Variants in CNTN4 observed in about 807,000 individuals in gnomAD.
CNTN4 encodes the protein contactin 4.
CNTN4 carries 77 observed loss-of-function variants against 122.5 expected under a neutral mutation model. The observed-to-expected ratio is 0.63, with a 90% CI of 0.52 to 0.76. The LOEUF (loss-of-function observed/expected upper bound fraction) is 0.76, where lower values mean the gene tolerates loss of function less well. Ranked by LOEUF, CNTN4 falls within the 30% of genes least tolerant of loss-of-function variation. CNTN4 has a pLI of 0.00. For missense variants in CNTN4, 1,256 were observed against 1,259.1 expected (o/e 1.00, Z 0.04); for synonymous variants, 512 against 447.0 (o/e 1.15, Z -1.83).
intron 4 of CNTN4, among the ~76,000 whole-genome samples, chr3:2,663,610 C>T (rs2084010332): frequency 6.6e-6 from 1 of 152,212 alleles, no homozygotes. Context: ...AAAATCGAGG[C>T]ATGCAGAGAG....
chr3:3,018,858 G>GA (rs1199203904), intron 14 of CNTN4, among the ~76,000 whole-genome samples: 3 of 151,838 alleles, frequency 2.0e-5, no homozygotes, highest in East Asian at 1.9e-4. Flanking sequence ...ACTATTGCAG[G>GA]AAAAAAAGTA....
intron 4 of CNTN4, among the ~76,000 whole-genome samples, chr3:2,668,495 G>A (rs1300826464): frequency 6.6e-6 from 1 of 152,224 alleles, no homozygotes; most frequent in East Asian, 1.9e-4. Flanking sequence ...ATTTTGGGCT[G>A]AGACAATGGG....
At chr3:2,268,382 A>G (rs1325245883) in intron 2 of CNTN4, among the ~76,000 whole-genome samples, 1 of 152,034 alleles carries the variant, frequency 6.6e-6, no homozygotes, top group Non-Finnish European at 1.5e-5. Flanking sequence ...ACTTCTCAGG[A>G]ATTATAACGA....
chr3:2,408,901 A>G (rs2047130151), intron 3 of CNTN4, among the ~76,000 whole-genome samples: 1 of 152,198 alleles, frequency 6.6e-6, no homozygotes, highest in Non-Finnish European at 1.5e-5. Flanking sequence ...AAGGTCTCAT[A>G]ACTTTTAAGA....
chr3:2,387,449 G>A (rs969217654), intron 3 of CNTN4, among the ~76,000 whole-genome samples: 7 of 151,986 alleles, frequency 4.6e-5, no homozygotes, highest in African/African-American at 1.7e-4. Flanking sequence ...GTATGATTTT[G>A]TATTATTTTG....
intron 2 of CNTN4, among the ~76,000 whole-genome samples, chr3:2,219,744 C>G (rs1185515559): frequency 1.3e-5 from 2 of 151,372 alleles, no homozygotes; most frequent in Admixed American, 6.6e-5. Context: ...ATTCACATTT[C>G]AGCCTGATTT....
At chr3:2,379,224 C>CT (rs1163264665) in intron 3 of CNTN4, among the ~76,000 whole-genome samples, 1 of 151,846 alleles carries the variant, frequency 6.6e-6, no homozygotes, top group Admixed American at 6.6e-5. Context: ...TTTTCCTTTC[C>CT]TTTTTTTGAA....
intron 14 of CNTN4, among the ~76,000 whole-genome samples, chr3:3,008,247 G>A (rs78954214): frequency 0.018 from 2,791 of 152,090 alleles, 92 homozygotes; most frequent in African/African-American, 0.064. Flanking sequence ...CTAATGCCTC[G>A]TATCCAGACC....
chr3:2,343,062 A>C (rs2044266594), intron 3 of CNTN4, among the ~76,000 whole-genome samples: 1 of 152,238 alleles, frequency 6.6e-6, no homozygotes, highest in South Asian at 2.1e-4. Flanking sequence ...TGAGTGGTGA[A>C]TTTTATGGTA....
intron 3 of CNTN4, among the ~76,000 whole-genome samples, chr3:2,410,782 A>G (rs1277339549): frequency 6.6e-6 from 1 of 152,214 alleles, no homozygotes. Context: ...CATGTGAATA[A>G]GCTTGGGGAT....
At chr3:2,786,045 G>A (rs1228165376) in intron 6 of CNTN4, among the ~76,000 whole-genome samples, 1 of 152,008 alleles carries the variant, frequency 6.6e-6, no homozygotes, top group Non-Finnish European at 1.5e-5. Context: ...GAGGATTTGG[G>A]CTGGGGATGG....
At chr3:2,463,166 A>G (rs1414232738) in intron 3 of CNTN4, among the ~76,000 whole-genome samples, 3 of 152,312 alleles carry the variant, frequency 2.0e-5, no homozygotes, top group African/African-American at 4.8e-5. Flanking sequence ...AGACCAAGAT[A>G]TAAATGAAAT....
At chr3:2,667,873 A>G (rs1010778062) in intron 4 of CNTN4, among the ~76,000 whole-genome samples, 1 of 152,020 alleles carries the variant, frequency 6.6e-6, no homozygotes, top group African/African-American at 2.4e-5. Context: ...TCTTGTTTTT[A>G]TCAGGTTTGT....
chr3:2,430,854 G>A (rs893393001), intron 3 of CNTN4, among the ~76,000 whole-genome samples: 2 of 152,122 alleles, frequency 1.3e-5, no homozygotes, highest in Non-Finnish European at 2.9e-5. Flanking sequence ...GAAGACAGAT[G>A]TGCTCAAATT....
chr3:2,182,153 A>G (rs2037043629), intron 2 of CNTN4, among the ~76,000 whole-genome samples: 1 of 152,104 alleles, frequency 6.6e-6, no homozygotes, highest in African/African-American at 2.4e-5. Context: ...AATTCTCAGC[A>G]AGTGGTTCCT....
chr3:2,531,140 A>G (rs768398457), intron 3 of CNTN4, among the ~76,000 whole-genome samples: 1 of 152,190 alleles, frequency 6.6e-6, no homozygotes, highest in Non-Finnish European at 1.5e-5. Flanking sequence ...GCACACTATC[A>G]TTTGTGAGTA....
intron 3 of CNTN4, among the ~76,000 whole-genome samples, chr3:2,359,818 C>T (rs1273603113): frequency 1.3e-5 from 2 of 152,180 alleles, no homozygotes; most frequent in Admixed American, 6.5e-5. Flanking sequence ...GGATTAGGGT[C>T]GAGAGCCACG....
intron 13 of CNTN4, among the ~76,000 whole-genome samples, chr3:2,966,517 C>T (rs62234360): frequency 6.6e-6 from 1 of 151,814 alleles, no homozygotes; most frequent in Non-Finnish European, 1.5e-5. Flanking sequence ...TTAATGGATA[C>T]GAAAATGTAG....
intron 5 of CNTN4, among the ~76,000 whole-genome samples, chr3:2,742,253 C>T (rs573524234): frequency 8.7e-4 from 132 of 152,262 alleles, no homozygotes; most frequent in African/African-American, 3.1e-3. Context: ...CTCAACTGAG[C>T]CTTCTCTTTT....
Sources: allele counts gnomAD v4.1 joint callset (sites outside exome capture counted in the v4.1 genomes callset), GRCh38; gene constraint gnomAD v4.1.1; transcripts MANE v1.5; gene names NCBI Gene and HGNC (gene_info 2026-07-23, HGNC 2026-07-21).